The following KCNK2 variants were observed in gnomAD, a reference collection of about 807,000 sequenced individuals.
The protein encoded by KCNK2 is potassium channel subfamily K member 2.
In KCNK2, 21 loss-of-function variants were observed where a neutral mutation model predicts 40.5. The observed-to-expected ratio is 0.52, with a 90% CI of 0.37 to 0.75. KCNK2 has a LOEUF of 0.75. Among genes scored for constraint, KCNK2 ranks in the 30% least tolerant of loss-of-function variants. KCNK2 has a pLI of 0.00. For missense variants in KCNK2, 399 were observed against 531.6 expected (o/e 0.75, Z 2.45); for synonymous variants, 191 against 202.2 (o/e 0.94, Z 0.47).
chr1:215,231,906 C>T (rs567746473), intron 6 of KCNK2, among the ~76,000 whole-genome samples: 2 of 152,252 alleles, frequency 1.3e-5, no homozygotes, highest in South Asian at 4.1e-4. Flanking sequence ...ATAAAACCAT[C>T]AGATCTCATG....
chr1:215,093,951 T>C (rs1192447064), intron 2 of KCNK2, among the ~76,000 whole-genome samples: 1 of 128,102 alleles, frequency 7.8e-6, no homozygotes, highest in Non-Finnish European at 1.6e-5. Flanking sequence ...ATATATATAA[T>C]ATATAAAATA....
chr1:215,045,667 T>G (rs1157294206), intron 1 of KCNK2, among the ~76,000 whole-genome samples: 1 of 152,212 alleles, frequency 6.6e-6, no homozygotes, highest in Non-Finnish European at 1.5e-5. Context: ...CTCTTTAATT[T>G]GTGTAAAATG....
In KCNK2 at chr1:215,231,295, AGGCTGCTGGGAATTCT is replaced by A. The variant is rs1331129981; in HGVS notation, c.964-3531_964-3516del. Among the ~76,000 whole-genome samples the A allele has an allele frequency of 3.3e-5, 5 of 152,208 alleles. No individual in the cohort carries two copies. In the East Asian group the frequency reaches 9.6e-4, roughly 29 times the overall value. ...CTAAGTGTGCAGAAAAGAAATGGTG[AGGCTGCTGGGAATTCT>A]GAGTCTGAAAATAATGCTCAATAAA... is the stretch of plus-strand genomic sequence containing the variant. On this transcript the variant is annotated intron_variant, in intron 6 of 6. Coordinates refer to ENST00000444842, the MANE Select transcript of KCNK2 (RefSeq NM_001017425.3).
chr1:215,102,472 A>T (rs1419589551), intron 2 of KCNK2, among the ~76,000 whole-genome samples: 10 of 152,088 alleles, frequency 6.6e-5, no homozygotes, highest in Non-Finnish European at 1.5e-4. Flanking sequence ...GTTAAAAAAA[A>T]TTTTAAAGTT....
chr1:215,193,286 GCT>G (rs1451197704), intron 5 of KCNK2, among the ~76,000 whole-genome samples: 1 of 151,988 alleles, frequency 6.6e-6, no homozygotes, highest in Admixed American at 6.6e-5. Context: ...GCAAATCCAT[GCT>G]CTGTTTAAGC....
At chr1:215,197,742 G>T (rs967792035) in intron 6 of KCNK2, among the ~76,000 whole-genome samples, 3 of 152,152 alleles carry the variant, frequency 2.0e-5, no homozygotes, top group African/African-American at 7.2e-5. Flanking sequence ...GCTTACGCCT[G>T]TAATCCCAGC....
intron 3 of KCNK2, among the ~76,000 whole-genome samples, chr1:215,131,551 A>G (rs1177513101): frequency 1.4e-5 from 2 of 147,994 alleles, no homozygotes; most frequent in South Asian, 2.1e-4. Flanking sequence ...ATATGTTAAT[A>G]TAATTTAATA....
At chr1:215,127,120 A>G (rs1661472468) in intron 3 of KCNK2, among the ~76,000 whole-genome samples, 1 of 152,168 alleles carries the variant, frequency 6.6e-6, no homozygotes, top group African/African-American at 2.4e-5. Flanking sequence ...TGCATTGCAT[A>G]AGACATTTTA....
At chr1:215,224,150 G>A (rs925873011) in intron 6 of KCNK2, among the ~76,000 whole-genome samples, 4 of 152,118 alleles carry the variant, frequency 2.6e-5, no homozygotes, top group African/African-American at 9.7e-5. Flanking sequence ...CAGGACTCAT[G>A]CAACAGCATT....
chr1:215,144,278 G>A (rs1242086122), intron 3 of KCNK2, among the ~76,000 whole-genome samples: 1 of 152,128 alleles, frequency 6.6e-6, no homozygotes, highest in Admixed American at 6.6e-5. Flanking sequence ...AATGGTAATG[G>A]ATATTGCATT....
intron 1 of KCNK2, among the ~76,000 whole-genome samples, chr1:215,054,475 A>G (rs1658089379): frequency 6.6e-6 from 1 of 152,192 alleles, no homozygotes; most frequent in East Asian, 1.9e-4. Context: ...TTCAGTGTAT[A>G]GGGAACTTAG....
intron 3 of KCNK2, among the ~76,000 whole-genome samples, chr1:215,149,388 C>T (rs1662584866): frequency 6.6e-6 from 1 of 152,108 alleles, no homozygotes. Flanking sequence ...AGGTATTCCC[C>T]AGAGCACACA....
rs368923002 is a variant in KCNK2 at position 215,086,403 on chromosome 1, G to T, written c.82G>T (p.Ala28Ser). 6.2e-7 allele frequency: 1 copy of T among 1,613,902 alleles called. No homozygotes were observed. Among genetic ancestry groups the T allele is most frequent in the African/African-American group, 1.3e-5 (1 of 74,860 alleles). The change falls in exon 2 of 7, where the codon GCT becomes TCT. Residue 28 changes from alanine (A) to serine (S), a missense_variant. By Grantham distance (99) the Ala-to-Ser change is moderately conservative. This residue lies in a region of KCNK2 where 279 missense variants were observed against 353.8 expected (regional missense o/e 0.79). Transcript: ENST00000444842. ...APDLLDPKSA[A>S]QNSKPRLSFS... ...TGACTTGCTGGATCCTAAATCTGCC[G>T]CTCAGAACTCCAAACCGAGGCTCTC...
At chr1:215,145,456 G>A (rs1422850101) in intron 3 of KCNK2, among the ~76,000 whole-genome samples, 2 of 152,018 alleles carry the variant, frequency 1.3e-5, no homozygotes, top group African/African-American at 4.8e-5. Flanking sequence ...ATTTGAATAA[G>A]TCTATTTGCA....
At chr1:215,011,740 G>A (rs909333389) in intron 1 of KCNK2, among the ~76,000 whole-genome samples, 1 of 152,074 alleles carries the variant, frequency 6.6e-6, no homozygotes, top group Non-Finnish European at 1.5e-5. Flanking sequence ...CGAGTAGCTG[G>A]GACTACAGGC....
chr1:215,170,151 ACCCTTATAAAGC>A (rs1663642855), intron 4 of KCNK2, among the ~76,000 whole-genome samples: 1 of 152,176 alleles, frequency 6.6e-6, no homozygotes, highest in Admixed American at 6.6e-5. Context: ...TTGTTTTGAT[ACCCTTATAAAGC>A]CCCTTTGGGA....
Position 215,204,438 on chromosome 1 carries a change from T to G in KCNK2, c.963+9346T>G, listed in dbSNP as rs11802662. On this transcript the variant is annotated intron_variant, in intron 6 of 6. Coordinates refer to ENST00000444842, the MANE Select transcript of KCNK2 (RefSeq NM_001017425.3). ...AAGTTAATAGTTTCTGTCTCAAAGC[T>G]CTTTATAAGTAATTTCATTTTCTTT... 2.7e-3 allele frequency among the ~76,000 whole-genome samples: 411 copies of G among 152,248 alleles called. 2 individuals are homozygous for G. Among genetic ancestry groups the G allele is most frequent in the African/African-American group, 9.6e-3 (400 of 41,548 alleles).
At chr1:215,131,359 A>G (rs921666011) in intron 3 of KCNK2, among the ~76,000 whole-genome samples, 1 of 147,074 alleles carries the variant, frequency 6.8e-6, no homozygotes, top group Non-Finnish European at 1.5e-5. Context: ...TCAATTTATT[A>G]TATATTACAT....
rs1666833040 is a variant in KCNK2 at position 215,235,205 on chromosome 1, G to A, written c.*60G>A. ...GTGAGGACTTCTCTATGCTCTTTATGACTGTTGCTGGTAGCATTTTTTAAA... is the reference window on the plus strand; with the variant it reads ...GTGAGGACTTCTCTATGCTCTTTATAACTGTTGCTGGTAGCATTTTTTAAA... On this transcript the variant is annotated 3_prime_UTR_variant, in exon 7 of 7. Transcript: ENST00000444842. 1.4e-6 allele frequency: 2 copies of A among 1,399,996 alleles called. No individual in the cohort carries two copies. Among genetic ancestry groups the A allele is most frequent in the East Asian group, 2.3e-5 (1 of 43,182 alleles). 86.7% of individuals were successfully genotyped at this position (1,399,996 alleles called of 1,614,324 possible).
Sources: allele counts gnomAD v4.1 joint callset (sites outside exome capture counted in the v4.1 genomes callset), GRCh38; gene constraint gnomAD v4.1.1; regional missense constraint gnomAD v4.1.1; transcripts MANE v1.5; gene names NCBI Gene and HGNC (gene_info 2026-07-23, HGNC 2026-07-21).